The following GALNT17 variants were observed in gnomAD, a reference collection of about 807,000 sequenced individuals.
The protein encoded by GALNT17 is UDP-GalNAc:polypeptide N-acetylgalactosaminyltransferase-like 3.
In GALNT17, 29 loss-of-function variants were observed where a neutral mutation model predicts 63.7. The ratio of observed to expected loss-of-function variants is 0.46; its 90% confidence interval spans 0.34 to 0.62. The LOEUF (loss-of-function observed/expected upper bound fraction) is 0.62. GALNT17 is among the 20% of genes least tolerant of loss of function. The probability of loss-of-function intolerance (pLI) is 0.01; values close to 1 mark genes in which losing one functional copy is unlikely to be tolerated. For synonymous variants in GALNT17, 305 were observed against 318.3 expected, an observed-to-expected ratio of 0.96 and a Z score of 0.45; for missense variants, 603 against 799.6, an observed-to-expected ratio of 0.75 and a Z score of 2.97.
Position 71,162,641 on chromosome 7 carries a change from T to A in GALNT17, c.238+29601T>A, listed in dbSNP as rs115531288. ...AGCCTTGCATCCATCCATCCATTCA[T>A]CCATGGATACCCATCCTGTGGATGC... On this transcript the variant is annotated intron_variant, in intron 1 of 10. Transcript: ENST00000333538. 3.1e-3 allele frequency among the ~76,000 whole-genome samples: 472 copies of A among 152,342 alleles called. 2 individuals carry two copies. Among genetic ancestry groups the A allele is most frequent in the African/African-American group, 0.011 (437 of 41,580 alleles).
chr7:71,462,091 CTA>C (rs1787460299), intron 5 of GALNT17, among the ~76,000 whole-genome samples: 1 of 152,112 alleles, frequency 6.6e-6, no homozygotes, highest in Non-Finnish European at 1.5e-5. Context: ...CTGCTCTGGG[CTA>C]GATTCAGAGG....
chr7:71,263,656 G>T (rs1173057692), intron 1 of GALNT17, among the ~76,000 whole-genome samples: 2 of 152,158 alleles, frequency 1.3e-5, no homozygotes, highest in South Asian at 2.1e-4. Context: ...GGGAGCGGTG[G>T]CTCATGCCTG....
chr7:71,499,344 T>C (rs1788144416), intron 5 of GALNT17, among the ~76,000 whole-genome samples: 1 of 152,176 alleles, frequency 6.6e-6, no homozygotes, highest in African/African-American at 2.4e-5. Flanking sequence ...TCATATCACT[T>C]GAGGCCAGGA....
At chr7:71,436,756 C>T (rs1439173978) in intron 5 of GALNT17, among the ~76,000 whole-genome samples, 1 of 151,932 alleles carries the variant, frequency 6.6e-6, no homozygotes, top group African/African-American at 2.4e-5. Flanking sequence ...ATAAATGTAT[C>T]CATGTTTCCA....
At chr7:71,647,362 C>T (rs1790694844) in intron 6 of GALNT17, among the ~76,000 whole-genome samples, 1 of 152,118 alleles carries the variant, frequency 6.6e-6, no homozygotes, top group South Asian at 2.1e-4. Flanking sequence ...AGCCACCATG[C>T]CCAGCCCAAA....
intron 1 of GALNT17, among the ~76,000 whole-genome samples, chr7:71,206,119 GGTGTGTGTTT>G (rs1789266345): frequency 6.8e-6 from 1 of 147,960 alleles, no homozygotes; most frequent in South Asian, 2.1e-4. Flanking sequence ...ATACATATGA[GGTGTGTGTTT>G]GTGTGTGTAT....
intron 2 of GALNT17, among the ~76,000 whole-genome samples, chr7:71,342,451 A>G (rs1384642337): frequency 2.0e-5 from 3 of 152,198 alleles, no homozygotes; most frequent in Admixed American, 1.3e-4. Flanking sequence ...TTACATTTCA[A>G]CATGAGATTT....
At chr7:71,568,787 A>G (rs1789390361) in intron 5 of GALNT17, among the ~76,000 whole-genome samples, 1 of 152,194 alleles carries the variant, frequency 6.6e-6, no homozygotes, top group Non-Finnish European at 1.5e-5. Flanking sequence ...ATACTATACT[A>G]CAATGCACAA....
intron 9 of GALNT17, among the ~76,000 whole-genome samples, chr7:71,693,680 G>A (rs1327311257): frequency 6.6e-6 from 1 of 151,736 alleles, no homozygotes; most frequent in East Asian, 1.9e-4. Flanking sequence ...GGAGGGAGGG[G>A]ATCAGGAAAA....
At chr7:71,415,189 A>G (rs1409421489) in intron 3 of GALNT17, among the ~76,000 whole-genome samples, 1 of 152,154 alleles carries the variant, frequency 6.6e-6, no homozygotes, top group South Asian at 2.1e-4. Context: ...CTTTATGTCT[A>G]TAGAGTTAGA....
chr7:71,204,325 G>T (rs1025815108), intron 1 of GALNT17, among the ~76,000 whole-genome samples: 3 of 152,112 alleles, frequency 2.0e-5, no homozygotes, highest in Non-Finnish European at 4.4e-5. Context: ...TTGAAATCAG[G>T]TAGTGTGATG....
intron 6 of GALNT17, among the ~76,000 whole-genome samples, chr7:71,616,921 TAAA>T (rs1230184708): frequency 6.9e-6 from 1 of 145,144 alleles, no homozygotes; most frequent in African/African-American, 2.5e-5. Flanking sequence ...ATATTAAGAA[TAAA>T]TAATTATTAT....
chr7:71,375,033 T>G (rs1792695592), intron 2 of GALNT17, among the ~76,000 whole-genome samples: 1 of 151,624 alleles, frequency 6.6e-6, no homozygotes, highest in Admixed American at 6.6e-5. Context: ...AGAGACGGGG[T>G]TTCACCATGT....
chr7:71,651,398 G>A (rs1466542969), intron 6 of GALNT17, among the ~76,000 whole-genome samples: 2 of 151,786 alleles, frequency 1.3e-5, no homozygotes, highest in African/African-American at 2.4e-5. Flanking sequence ...TGCCTCCCAG[G>A]TTTAAGCAAT....
At chr7:71,210,947 A>C (rs1216024347) in intron 1 of GALNT17, among the ~76,000 whole-genome samples, 1 of 152,128 alleles carries the variant, frequency 6.6e-6, no homozygotes, top group Non-Finnish European at 1.5e-5. Flanking sequence ...GTGCTGCTAA[A>C]TTTTTTTCTC....
chr7:71,662,245 T>C (rs1246120998), intron 6 of GALNT17, among the ~76,000 whole-genome samples: 2 of 152,114 alleles, frequency 1.3e-5, no homozygotes, highest in Non-Finnish European at 2.9e-5. Flanking sequence ...AGTTCTGCTT[T>C]GCTTCCATCC....
chr7:71,141,379 A>G (rs376592080), intron 1 of GALNT17, among the ~76,000 whole-genome samples: 105 of 152,158 alleles, frequency 6.9e-4, no homozygotes, highest in East Asian at 4.8e-3. Context: ...TCTCAAAAAA[A>G]AAAAGAAAAG....
intron 3 of GALNT17, among the ~76,000 whole-genome samples, chr7:71,404,217 G>A (rs959590647): frequency 2.6e-5 from 4 of 152,160 alleles, no homozygotes; most frequent in Non-Finnish European, 4.4e-5. Context: ...CTCAACAAAG[G>A]AATTGGAAGC....
intron 1 of GALNT17, among the ~76,000 whole-genome samples, chr7:71,156,006 G>A (rs1788228292): frequency 6.6e-6 from 1 of 151,864 alleles, no homozygotes; most frequent in Admixed American, 6.6e-5. Context: ...AGACCAGCTT[G>A]TCCAACATGG....
Sources: gnomAD v4.1 joint callset for allele counts (sites outside exome capture counted in the v4.1 genomes callset) on GRCh38, gnomAD v4.1.1 for gene constraint, MANE v1.5 for transcripts, NCBI Gene and HGNC (gene_info 2026-07-23, HGNC 2026-07-21) for gene names.